The following POM121C variants were observed in gnomAD, a reference collection of about 807,000 sequenced individuals.
The protein encoded by POM121C is POM121 transmembrane nucleoporin C.
POM121C carries 20 observed loss-of-function variants against 66.4 expected under a neutral mutation model. The ratio of observed to expected loss-of-function variants is 0.30; its 90% CI spans 0.21 to 0.44. The LOEUF is 0.44. Among genes scored for constraint, POM121C ranks in the 20% least tolerant of loss-of-function variants. POM121C has a pLI of 1.00. For missense variants in POM121C, 580 were observed against 1,225.7 expected (o/e 0.47, Z 7.87); for synonymous variants, 286 against 528.0 (o/e 0.54, Z 6.28).
rs1789558446 is a variant in POM121C, at chr7:75,418,365, C to CT, written c.*430dup. 1.0e-6 allele frequency: 1 copy of CT among 992,520 alleles called. No individual in the cohort carries two copies. 61.5% of individuals were successfully genotyped at this position (992,520 alleles called of 1,614,324 possible). On this transcript the variant is annotated 3_prime_UTR_variant, in exon 15 of 15. Coordinates refer to ENST00000615331, the MANE Select transcript of POM121C (RefSeq NM_001099415.3). ...CACAGCTAAGCCAAGCAAGATAAAG[C>CT]TTTAGGGATAACCCATTTCCCAAAT... is the stretch of plus-strand genomic sequence containing the variant.
intron 7 of POM121C, among the ~76,000 whole-genome samples, chr7:75,431,713 G>T (rs587670040): frequency 2.6e-5 from 4 of 152,102 alleles, no homozygotes; most frequent in African/African-American, 7.2e-5. Context: ...CATTTTGGAA[G>T]GCTAAAGTGG....
chr7:75,429,442 G>T (rs1411448151), intron 7 of POM121C, among the ~76,000 whole-genome samples: 1 of 152,146 alleles, frequency 6.6e-6, no homozygotes, highest in African/African-American at 2.4e-5. Context: ...GACCAGCCTG[G>T]CCAACAAGGT....
At chr7:75,433,127 T>C (rs1554472563) in intron 7 of POM121C, among the ~76,000 whole-genome samples, 1 of 149,480 alleles carries the variant, frequency 6.7e-6, no homozygotes, top group African/African-American at 2.5e-5. Context: ...CCCAACTACT[T>C]GGGAGGCTGA....
chr7:75,453,049 T>A lies in POM121C; in HGVS notation c.-151-11402A>T, dbSNP rs184178409. ...TCCAGGCGCACAGACACCAACTGTATGACACCCACACCTTCTACTCACAAA... is the reference window on the plus strand; with the variant it reads ...TCCAGGCGCACAGACACCAACTGTAAGACACCCACACCTTCTACTCACAAA... On this transcript the variant is annotated intron_variant, in intron 3 of 14. Coordinates refer to ENST00000615331, the MANE Select transcript of POM121C (RefSeq NM_001099415.3). 9.5e-3 allele frequency among the ~76,000 whole-genome samples: 1,452 copies of A among 152,206 alleles called. 90 individuals carry two copies. Among genetic ancestry groups the A allele is most frequent in the Admixed American group, 0.09 (1,374 of 15,264 alleles).
intron 3 of POM121C, among the ~76,000 whole-genome samples, chr7:75,455,140 C>T (rs1182387211): frequency 6.6e-6 from 1 of 152,136 alleles, no homozygotes; most frequent in East Asian, 1.9e-4. Context: ...CAGGGAGAGT[C>T]TGGTTCATGT....
chr7:75,473,442 G>T (rs1442304275), intron 3 of POM121C, among the ~76,000 whole-genome samples: 22 of 151,892 alleles, frequency 1.4e-4, no homozygotes, highest in Non-Finnish European at 2.8e-4. Flanking sequence ...TTCCAGTTAT[G>T]GGGAAGGGGA....
At chr7:75,452,094 G>T (rs1433179423) in intron 3 of POM121C, among the ~76,000 whole-genome samples, 3 of 152,216 alleles carry the variant, frequency 2.0e-5, no homozygotes, top group African/African-American at 7.2e-5. Flanking sequence ...AACCCAGGAG[G>T]AGGAGGTTGT....
At position 75,452,217 on chromosome 7, in the gene POM121C, G is replaced by A. The variant is rs587652317; in HGVS notation, c.-151-10570C>T. 3.3e-5 allele frequency among the ~76,000 whole-genome samples: 5 copies of A among 151,714 alleles called. No homozygotes were observed. In the South Asian group the frequency reaches 1.0e-3, roughly 32 times the overall value. On this transcript the variant is annotated intron_variant, in intron 3 of 14. Coordinates refer to ENST00000615331, the MANE Select transcript of POM121C (RefSeq NM_001099415.3). ...TCACACCTGTAATCCCAGTGCTTTGGGAGGCCAAGGCAGGCGGATCACCTG... is the reference window on the plus strand; with the variant it reads ...TCACACCTGTAATCCCAGTGCTTTGAGAGGCCAAGGCAGGCGGATCACCTG...
chr7:75,477,899 TCAAAAA>T (rs1792151836), intron 1 of POM121C, among the ~76,000 whole-genome samples: 1 of 152,052 alleles, frequency 6.6e-6, no homozygotes, highest in Admixed American at 6.6e-5. Context: ...AACAACAAAA[TCAAAAA>T]CAGAAAGAAA....
chr7:75,474,928 C>G, intron 2 of POM121C, 46 bp from the exon 3 acceptor site: 4 of 1,065,380 alleles, frequency 3.8e-6, no homozygotes, highest in Admixed American at 1.9e-5. Flanking sequence ...AAAGTTAGAA[C>G]CTTTCAATGA....
chr7:75,416,818 C>G lies in POM121C; in HGVS notation c.*1978G>C. Reference sequence around the variant, plus strand: ...GATCACAGTTTTTTATTCTTAATGTCACAAGCAGGAGAAAAATCTCACATT... The same window carrying G: ...GATCACAGTTTTTTATTCTTAATGTGACAAGCAGGAGAAAAATCTCACATT... On this transcript the variant is annotated 3_prime_UTR_variant, in exon 15 of 15. Coordinates refer to ENST00000615331, the MANE Select transcript of POM121C (RefSeq NM_001099415.3). 1 of 1,473,550 alleles carries G rather than the reference C, an allele frequency of 6.8e-7. No individual in the cohort carries two copies. Among genetic ancestry groups the G allele is most frequent in the South Asian group, 1.4e-5 (1 of 70,412 alleles). 91.3% of individuals were successfully genotyped at this position (1,473,550 alleles called of 1,614,324 possible). A position where few individuals can be genotyped will look rare whatever the true frequency, so the allele number is the denominator to read the frequency against.
intron 3 of POM121C, chr7:75,442,667 G>T: frequency 6.9e-7 from 1 of 1,443,974 alleles, no homozygotes; most frequent in South Asian, 1.4e-5. Context: ...CCTGACACTC[G>T]CTATCGGCCG....
chr7:75,419,034 G>A, intron 14 of POM121C, 141 bp from the exon 15 acceptor site: 4 of 1,448,320 alleles, frequency 2.8e-6, no homozygotes, highest in Middle Eastern at 2.6e-4. Context: ...CAGAAACACT[G>A]TACGGGAGGA....
intron 7 of POM121C, among the ~76,000 whole-genome samples, chr7:75,435,186 G>T (rs1554472917): frequency 6.6e-6 from 1 of 152,198 alleles, no homozygotes; most frequent in African/African-American, 2.4e-5. Context: ...TTTGTCAATA[G>T]AGGACTAGAG....
intron 12 of POM121C, among the ~76,000 whole-genome samples, 194 bp downstream of exon 12, chr7:75,423,855 G>A (rs1208191151): frequency 2.0e-4 from 30 of 152,188 alleles, no homozygotes; most frequent in African/African-American, 6.0e-4. Context: ...CCTGAGCGTC[G>A]CAGCACCCCT....
rs1385148299 is a variant in POM121C, at chr7:75,441,003, C to G, written c.178G>C (p.Val60Leu). 6.2e-7 allele frequency: 1 copy of G among 1,613,880 alleles called. No individual in the cohort carries two copies. The highest frequency in any genetic ancestry group is 2.2e-5 in the East Asian group (1 of 44,902). Reference sequence around the variant, plus strand: ...AGGAATATTTGGTCTTCTTCCTCCACTGTCCTTTTCTTCTTCTTCTCTTTG... The same window carrying G: ...AGGAATATTTGGTCTTCTTCCTCCAGTGTCCTTTTCTTCTTCTTCTCTTTG... ...ALKEKKKKRT[V>L]EEEDQIFLDG... Residue 60 changes from valine to leucine, a missense_variant, in exon 5 of 15, where the codon GTG becomes CTG. Coordinates refer to ENST00000615331, the MANE Select transcript of POM121C (RefSeq NM_001099415.3).
intron 3 of POM121C, among the ~76,000 whole-genome samples, chr7:75,452,177 G>C (rs1791044374): frequency 6.6e-6 from 1 of 151,786 alleles, no homozygotes; most frequent in South Asian, 2.1e-4. Context: ...AAACAAAAAG[G>C]CTGGGTGCAG....
At chr7:75,430,687 G>A (rs1790133534) in intron 7 of POM121C, among the ~76,000 whole-genome samples, 1 of 152,182 alleles carries the variant, frequency 6.6e-6, no homozygotes, top group Non-Finnish European at 1.5e-5. Context: ...GGCAAGAGCA[G>A]GACACTTTTG....
At chr7:75,458,909 C>T (rs1394509108) in intron 3 of POM121C, among the ~76,000 whole-genome samples, 1 of 152,068 alleles carries the variant, frequency 6.6e-6, no homozygotes, top group Non-Finnish European at 1.5e-5. Flanking sequence ...TTTAGATGAG[C>T]TATCTTATAA....
Sources: allele counts gnomAD v4.1 joint callset (sites outside exome capture counted in the v4.1 genomes callset), GRCh38; gene constraint gnomAD v4.1.1; transcripts MANE v1.5; gene names NCBI Gene and HGNC (gene_info 2026-07-23, HGNC 2026-07-21).